The following CLASP2 variants were observed in gnomAD, a reference collection of about 807,000 sequenced individuals.
CLASP2 encodes CLIP-associating protein 2.
In CLASP2, 47 loss-of-function variants were observed where a neutral mutation model predicts 194.4. The ratio of observed to expected loss-of-function variants is 0.24; its 90% confidence interval spans 0.19 to 0.31. The LOEUF is 0.31. CLASP2 is among the 10% of genes least tolerant of loss of function. The pLI, the probability that CLASP2 is intolerant of heterozygous loss-of-function variation, is 1.00. For synonymous variants in CLASP2, 619 were observed against 633.5 expected (o/e 0.98, Z 0.34); for missense variants, 1,445 against 1,823.6 (o/e 0.79, Z 3.78).
intron 1 of CLASP2, among the ~76,000 whole-genome samples, chr3:33,704,185 G>A (rs542979317): frequency 6.6e-6 from 1 of 152,036 alleles, no homozygotes; most frequent in Non-Finnish European, 1.5e-5. Flanking sequence ...CCTATAGCAT[G>A]TACAACACTT....
At chr3:33,613,845 C>T (rs1009229204) in intron 12 of CLASP2, among the ~76,000 whole-genome samples, 23 of 152,178 alleles carry the variant, frequency 1.5e-4, no homozygotes, top group African/African-American at 5.6e-4. Flanking sequence ...CTGCAAAATC[C>T]TAATGCTGGG....
chr3:33,679,607 T>C (rs1196050303), intron 6 of CLASP2, among the ~76,000 whole-genome samples: 3 of 152,126 alleles, frequency 2.0e-5, no homozygotes, highest in Non-Finnish European at 4.4e-5. Flanking sequence ...AGAGAAGATA[T>C]ACAGATGGCA....
chr3:33,590,177 A>C (rs542656678), intron 21 of CLASP2, among the ~76,000 whole-genome samples: 1 of 152,216 alleles, frequency 6.6e-6, no homozygotes, highest in South Asian at 2.1e-4. Context: ...TTTTATGTCT[A>C]TTAAATATGC....
intron 5 of CLASP2, among the ~76,000 whole-genome samples, chr3:33,685,054 T>G (rs904581288): frequency 6.7e-6 from 1 of 149,754 alleles, no homozygotes; most frequent in Admixed American, 6.7e-5. Flanking sequence ...ATAAATCTAT[T>G]TGTAGGCCCG....
chr3:33,643,424 G>T (rs568637560), intron 8 of CLASP2, among the ~76,000 whole-genome samples: 1 of 151,446 alleles, frequency 6.6e-6, no homozygotes, highest in Non-Finnish European at 1.5e-5. Flanking sequence ...TTTTACTAGC[G>T]GTAAATAGGA....
chr3:33,572,833 T>C (rs2064056594), intron 25 of CLASP2, among the ~76,000 whole-genome samples: 1 of 151,786 alleles, frequency 6.6e-6, no homozygotes, highest in Non-Finnish European at 1.5e-5. Context: ...AATATTAAAA[T>C]TAATAACATT....
rs1316274783 is a variant in CLASP2 at position 33,573,249 on chromosome 3, T to G, written c.2560A>C (p.Asn854His). The G allele has an allele frequency of 6.2e-7, 1 of 1,613,988 alleles. No homozygotes were observed. Among genetic ancestry groups the G allele is most frequent in the South Asian group, 1.1e-5 (1 of 91,080 alleles). Residue 854 changes from asparagine (N) to histidine (H), a missense_variant, in exon 25 of 39, where the codon AAT (asparagine) becomes CAT (histidine). Asn to His is a moderately conservative substitution (Grantham distance 68). Coordinates refer to ENST00000682230, the MANE Select transcript of CLASP2 (RefSeq NM_001365631.1). The part of the protein sequence containing the change: ...ACSERSYSSR[N>H]GSIPTYMRQT... ...CTCATATATGTAGGAATACTACCAT[T>G]TCGAGAACTATAGGAGCGTTCTGAA...
intron 18 of CLASP2, among the ~76,000 whole-genome samples, chr3:33,598,369 G>T (rs1225757988): frequency 6.6e-6 from 1 of 151,828 alleles, no homozygotes; most frequent in Non-Finnish European, 1.5e-5. Context: ...CCAAAATATC[G>T]TATCTGATAT....
At chr3:33,549,802 G>T (rs1265835960) in intron 30 of CLASP2, among the ~76,000 whole-genome samples, 1 of 150,430 alleles carries the variant, frequency 6.6e-6, no homozygotes, top group African/African-American at 2.4e-5. Context: ...GCAGTGGCAT[G>T]ATCTTGTCTC....
At chr3:33,636,721 C>T (rs2080215045) in intron 8 of CLASP2, among the ~76,000 whole-genome samples, 1 of 152,190 alleles carries the variant, frequency 6.6e-6, no homozygotes, top group African/African-American at 2.4e-5. Context: ...CTGCCTCAAC[C>T]TCCATAGCAG....
chr3:33,651,399 A>C (rs930915947), intron 7 of CLASP2, among the ~76,000 whole-genome samples: 6 of 151,752 alleles, frequency 4.0e-5, no homozygotes, highest in African/African-American at 9.7e-5. Flanking sequence ...AAAAAAAAAA[A>C]AAAAACCCAG....
chr3:33,709,256 A>T (rs892573226), intron 1 of CLASP2, among the ~76,000 whole-genome samples: 2 of 152,118 alleles, frequency 1.3e-5, no homozygotes, highest in Non-Finnish European at 2.9e-5. Flanking sequence ...TAAGTCTTTA[A>T]TCCATTTTGA....
intron 23 of CLASP2, among the ~76,000 whole-genome samples, chr3:33,580,163 G>A (rs2065725186): frequency 6.6e-6 from 1 of 152,156 alleles, no homozygotes; most frequent in Admixed American, 6.5e-5. Context: ...ACAAACAAGG[G>A]TTGGGCATAT....
At chr3:33,710,456 T>C (rs992108532) in intron 1 of CLASP2, among the ~76,000 whole-genome samples, 4 of 152,160 alleles carry the variant, frequency 2.6e-5, no homozygotes, top group African/African-American at 9.7e-5. Flanking sequence ...ACCTATAGTT[T>C]CAGCTACTCA....
Position 33,581,744 on chromosome 3 carries a change from C to T in CLASP2, c.2347+77G>A, listed in dbSNP as rs1334327824. The T allele has an allele frequency of 8.4e-6, 8 of 947,910 alleles. No homozygotes were observed. The Admixed American group carries it at 1.5e-4, about 18-fold the overall frequency. The allele number at this position is 947,910 out of a possible 1,614,324, so 58.7% of individuals were successfully genotyped here. A position where few individuals can be genotyped will look rare whatever the true frequency, so the allele number is the denominator to read the frequency against. On this transcript the variant is annotated intron_variant, in intron 23 of 38. Coordinates refer to ENST00000682230, the MANE Select transcript of CLASP2 (RefSeq NM_001365631.1). ...GATCTGTCGACAAAGAAAGCTAAAT[C>T]CCAGGTATGCTGAAGTTAACAGATA... is the stretch of plus-strand genomic sequence containing the variant.
rs181513407 is a variant in CLASP2 at position 33,542,614 on chromosome 3, T to A, written c.3404+819A>T. 4.0e-3 allele frequency among the ~76,000 whole-genome samples: 597 copies of A among 150,354 alleles called. 3 individuals are homozygous for A. Among genetic ancestry groups the A allele is most frequent in the Non-Finnish European group, 5.9e-3 (400 of 67,604 alleles). ...GACCTAATGTCATATTTATGATATA[T>A]GACATGTTATATATGTAATTCATTA... On this transcript the variant is annotated intron_variant, in intron 32 of 38. Coordinates refer to ENST00000682230, the MANE Select transcript of CLASP2 (RefSeq NM_001365631.1).
intron 26 of CLASP2, among the ~76,000 whole-genome samples, chr3:33,567,327 A>C (rs1170233009): frequency 6.6e-6 from 1 of 152,234 alleles, no homozygotes; most frequent in Non-Finnish European, 1.5e-5. Flanking sequence ...TGAGCTGCCT[A>C]GAATGCTCGT....
Position 33,596,732 on chromosome 3 carries a change from C to G in CLASP2, c.1927G>C (p.Asp643His). 2 of 1,565,412 alleles carry G rather than the reference C, an allele frequency of 1.3e-6. No homozygotes were observed. Among genetic ancestry groups the G allele is most frequent in the Non-Finnish European group, 1.7e-6 (2 of 1,153,318 alleles). Residue 643 changes from aspartate to histidine, a missense_variant and splice_region_variant, in exon 19 of 39, where the codon GAT becomes CAT. Asp to His is a moderately conservative substitution (Grantham distance 81). Coordinates refer to ENST00000682230, the MANE Select transcript of CLASP2 (RefSeq NM_001365631.1). ...LNAGSYASLE[D>H]TSDKLDGTAS... ...TTACCATCCAGCTTGTCAGAAGTAT[C>G]CTCTTTGATGAAAGCACAAGCAAAG...
chr3:33,690,966 T>C (rs1314363821), intron 2 of CLASP2, among the ~76,000 whole-genome samples: 1 of 152,120 alleles, frequency 6.6e-6, no homozygotes, highest in Non-Finnish European at 1.5e-5. Flanking sequence ...TCAGGCATCA[T>C]AAAGAGTGCA....
Sources: gnomAD v4.1 joint callset for allele counts (sites outside exome capture counted in the v4.1 genomes callset) on GRCh38, gnomAD v4.1.1 for gene constraint, MANE v1.5 for transcripts, NCBI Gene and HGNC (gene_info 2026-07-23, HGNC 2026-07-21) for gene names.